Variants in ALDH1A2 observed in about 807,000 individuals in gnomAD.
ALDH1A2 encodes aldehyde dehydrogenase 1 family member A2, also known as retinal dehydrogenase 2.
Under a neutral mutation model 60.3 loss-of-function variants are expected in ALDH1A2, and 27 were observed. That is an observed-to-expected ratio of 0.45 (90% CI 0.33 to 0.62). The LOEUF (loss-of-function observed/expected upper bound fraction) is 0.62, where lower values mean the gene tolerates loss of function less well. ALDH1A2 is among the 20% of genes least tolerant of loss of function. ALDH1A2 has a pLI of 0.02. For synonymous variants in ALDH1A2, 289 were observed against 232.4 expected, an observed-to-expected ratio of 1.24 and a Z score of -2.21; for missense variants, 581 against 643.8, an observed-to-expected ratio of 0.90 and a Z score of 1.06.
chr15:57,956,788 T>A (rs1251536404), intron 12 of ALDH1A2, among the ~76,000 whole-genome samples: 1 of 152,216 alleles, frequency 6.6e-6, no homozygotes, highest in Non-Finnish European at 1.5e-5. Context: ...GAAGTGAATT[T>A]ACTCCTTTGT....
At chr15:58,023,263 T>C (rs892930658) in intron 1 of ALDH1A2, among the ~76,000 whole-genome samples, 10 of 152,114 alleles carry the variant, frequency 6.6e-5, no homozygotes, top group Non-Finnish European at 5.9e-5. Flanking sequence ...TCTTTTGAAA[T>C]AATCCAGTAA....
At chr15:58,008,550 G>A (rs562108819) in intron 4 of ALDH1A2, among the ~76,000 whole-genome samples, 1 of 152,170 alleles carries the variant, frequency 6.6e-6, no homozygotes, top group Admixed American at 6.5e-5. Context: ...TCCCTCCTGA[G>A]GAAGTAAAAG....
chr15:58,001,859 T>C (rs1426853747), intron 4 of ALDH1A2, among the ~76,000 whole-genome samples: 5 of 151,912 alleles, frequency 3.3e-5, no homozygotes, highest in Non-Finnish European at 7.4e-5. Flanking sequence ...CTGCATTTGA[T>C]GGGGACACCA....
At chr15:58,061,612 A>AAC (rs1555406921) in intron 1 of ALDH1A2, among the ~76,000 whole-genome samples, 2 of 128,362 alleles carry the variant, frequency 1.6e-5, no homozygotes, top group Non-Finnish European at 3.3e-5. Context: ...AAAAAAAACA[A>AAC]AAAAAAAAAA....
intron 12 of ALDH1A2, among the ~76,000 whole-genome samples, chr15:57,957,184 T>A (rs552509597): frequency 6.6e-6 from 1 of 152,294 alleles, no homozygotes; most frequent in African/African-American, 2.4e-5. Flanking sequence ...GAGTGCCCAC[T>A]CAGCTCTGCC....
intron 1 of ALDH1A2, among the ~76,000 whole-genome samples, chr15:58,045,507 A>T (rs975596966): frequency 6.6e-6 from 1 of 152,146 alleles, no homozygotes; most frequent in Non-Finnish European, 1.5e-5. Context: ...ATGTCCATCA[A>T]TGATAGACTG....
chr15:58,050,022 T>A (rs1204593425), intron 1 of ALDH1A2, among the ~76,000 whole-genome samples: 1 of 151,996 alleles, frequency 6.6e-6, no homozygotes, highest in Non-Finnish European at 1.5e-5. Flanking sequence ...GGAAGGGGGC[T>A]GAAGTGTTTA....
chr15:58,024,505 C>T (rs1896020802), intron 1 of ALDH1A2, among the ~76,000 whole-genome samples: 1 of 152,026 alleles, frequency 6.6e-6, no homozygotes, highest in African/African-American at 2.4e-5. Context: ...ATCAATTCAA[C>T]AAGAGAATAT....
intron 1 of ALDH1A2, among the ~76,000 whole-genome samples, chr15:58,051,151 G>A (rs999053663): frequency 7.2e-5 from 11 of 152,090 alleles, no homozygotes; most frequent in African/African-American, 2.7e-4. Flanking sequence ...CGTATTTAAA[G>A]AATTAAATTA....
intron 7 of ALDH1A2, among the ~76,000 whole-genome samples, chr15:57,992,354 A>AG (rs1318023383): frequency 2.0e-5 from 3 of 152,224 alleles, no homozygotes; most frequent in Non-Finnish European, 1.5e-5. Flanking sequence ...AACAATGAGA[A>AG]GGGAAAGCTT....
intron 1 of ALDH1A2, among the ~76,000 whole-genome samples, chr15:58,061,792 T>C (rs1366382141): frequency 2.6e-5 from 4 of 152,088 alleles, no homozygotes; most frequent in Non-Finnish European, 5.9e-5. Flanking sequence ...TCAAACAAGA[T>C]ATATATGAAA....
chr15:58,028,045 A>G (rs1486156591), intron 1 of ALDH1A2, among the ~76,000 whole-genome samples: 1 of 152,208 alleles, frequency 6.6e-6, no homozygotes. Context: ...GGAAATACAG[A>G]GACCACCACA....
At chr15:57,981,037 G>A (rs1375937680) in intron 7 of ALDH1A2, among the ~76,000 whole-genome samples, 1 of 152,112 alleles carries the variant, frequency 6.6e-6, no homozygotes, top group Non-Finnish European at 1.5e-5. Flanking sequence ...ATGGTAGTTT[G>A]TATTTCTGTG....
At chr15:58,062,128 T>C (rs1488454754) in intron 1 of ALDH1A2, among the ~76,000 whole-genome samples, 4 of 152,172 alleles carry the variant, frequency 2.6e-5, no homozygotes, top group Non-Finnish European at 5.9e-5. Context: ...GTTGATTGCC[T>C]TTTTGCCTCT....
chr15:58,065,706 C>G lies in ALDH1A2; in HGVS notation c.-56G>C, dbSNP rs1270027803. 1.6e-6 allele frequency: 2 copies of G among 1,264,042 alleles called. No individual in the cohort carries two copies. Among genetic ancestry groups the G allele is most frequent in the Non-Finnish European group, 2.2e-6 (2 of 928,092 alleles). The allele number at this position is 1,264,042 out of a possible 1,614,324, so 78.3% of individuals were successfully genotyped here. A position where few individuals can be genotyped will look rare whatever the true frequency, so the allele number is the denominator to read the frequency against. ...CGTGGGGCAGTGCGGGCTGTGCGCG[C>G]GGTCCGCGGCCCGGGGGCGCGCTCG... On this transcript the variant is annotated 5_prime_UTR_variant, in exon 1 of 13. Transcript: ENST00000249750.
chr15:58,018,371 C>A (rs190230113), intron 1 of ALDH1A2, among the ~76,000 whole-genome samples: 1 of 151,914 alleles, frequency 6.6e-6, no homozygotes, highest in African/African-American at 2.4e-5. Flanking sequence ...GATAAGGAGG[C>A]GCTCTTCTTC....
chr15:58,060,840 A>G (rs758710356), intron 1 of ALDH1A2, among the ~76,000 whole-genome samples: 2 of 152,216 alleles, frequency 1.3e-5, no homozygotes, highest in Non-Finnish European at 2.9e-5. Context: ...AAAAACTCCT[A>G]TCAGTATTTG....
At chr15:58,024,762 C>G (rs2642630) in intron 1 of ALDH1A2, among the ~76,000 whole-genome samples, 87,701 of 151,942 alleles carry the variant, frequency 0.58, 26,299 homozygotes, top group African/African-American at 0.72. Flanking sequence ...TCAGCACATG[C>G]AATATTCTCC....
chr15:58,036,847 T>C (rs1896389400), intron 1 of ALDH1A2: 1 of 151,702 alleles, frequency 6.6e-6, no homozygotes, highest in South Asian at 2.1e-4. Flanking sequence ...GTGGCTGACA[T>C]GTTAGAATAA....
Sources: gnomAD v4.1 joint callset for allele counts (sites outside exome capture counted in the v4.1 genomes callset) on GRCh38, gnomAD v4.1.1 for gene constraint, MANE v1.5 for transcripts, NCBI Gene and HGNC (gene_info 2026-07-23, HGNC 2026-07-21) for gene names.